The following DKK2 variants were observed in gnomAD, a reference collection of about 807,000 sequenced individuals.
DKK2 encodes the protein dickkopf-related protein 2.
DKK2 carries 11 observed loss-of-function variants against 28.1 expected under a neutral mutation model. The observed-to-expected ratio is 0.39, with a 90% CI of 0.25 to 0.65. The LOEUF (loss-of-function observed/expected upper bound fraction) is 0.65. Among genes scored for constraint, DKK2 ranks in the 30% least tolerant of loss-of-function variants. The pLI is 0.47. For missense variants in DKK2, 326 were observed against 335.5 expected, an observed-to-expected ratio of 0.97 and a Z score of 0.22; for synonymous variants, 135 against 126.5, an observed-to-expected ratio of 1.07 and a Z score of -0.45.
At chr4:106,949,979 T>C (rs938454698) in intron 1 of DKK2, among the ~76,000 whole-genome samples, 3 of 152,148 alleles carry the variant, frequency 2.0e-5, no homozygotes, top group Non-Finnish European at 4.4e-5. Context: ...CCATGCTCTA[T>C]GTTAAGAGCT....
intron 1 of DKK2, among the ~76,000 whole-genome samples, chr4:106,987,794 A>G (rs1037475291): frequency 2.6e-4 from 40 of 152,098 alleles, no homozygotes; most frequent in African/African-American, 8.7e-4. Context: ...AATTTCTTTA[A>G]AAAAAATAGT....
chr4:106,985,884 A>G (rs2110360017), intron 1 of DKK2, among the ~76,000 whole-genome samples: 1 of 152,072 alleles, frequency 6.6e-6, no homozygotes, highest in Non-Finnish European at 1.5e-5. Flanking sequence ...GAGGGAGAGA[A>G]GAAAGGAGGG....
chr4:106,953,542 T>C (rs560096902), intron 1 of DKK2, among the ~76,000 whole-genome samples: 9 of 152,248 alleles, frequency 5.9e-5, no homozygotes, highest in African/African-American at 1.9e-4. Context: ...TTTTGACAGT[T>C]TTCAAGGTTA....
intron 1 of DKK2, among the ~76,000 whole-genome samples, chr4:106,935,104 G>C (rs574127768): frequency 6.6e-6 from 1 of 152,260 alleles, no homozygotes; most frequent in East Asian, 1.9e-4. Flanking sequence ...AGCATGACAA[G>C]GGGAGGAGCC....
At chr4:106,945,966 C>A (rs943565061) in intron 1 of DKK2, among the ~76,000 whole-genome samples, 1 of 152,110 alleles carries the variant, frequency 6.6e-6, no homozygotes, top group African/African-American at 2.4e-5. Context: ...CTAACAGACG[C>A]CATGATTGCT....
intron 1 of DKK2, among the ~76,000 whole-genome samples, chr4:106,973,389 C>G (rs575311636): frequency 3.3e-5 from 5 of 152,310 alleles, no homozygotes; most frequent in African/African-American, 1.2e-4. Context: ...CACATTCTCT[C>G]CAGCATCTGT....
intron 1 of DKK2, among the ~76,000 whole-genome samples, chr4:107,012,610 G>A (rs115525586): frequency 0.019 from 2,916 of 151,366 alleles, 41 homozygotes; most frequent in Middle Eastern, 0.037. Context: ...TAATATTCCA[G>A]AAGGTGGGGA....
intron 1 of DKK2, among the ~76,000 whole-genome samples, chr4:106,995,723 C>T (rs1723262962): frequency 6.6e-6 from 1 of 152,180 alleles, no homozygotes; most frequent in Non-Finnish European, 1.5e-5. Flanking sequence ...AGCGATTCTC[C>T]TGCCTCAGCC....
At chr4:106,933,960 A>ATGTG (rs138368758) in intron 1 of DKK2, among the ~76,000 whole-genome samples, 121 of 146,670 alleles carry the variant, frequency 8.2e-4, no homozygotes, top group African/African-American at 1.8e-3. Flanking sequence ...TTTCCTGTAA[A>ATGTG]TGTGTGTGTG....
chr4:107,035,634 G>A lies in DKK2; in HGVS notation c.-43C>T. ...CCCAGGAAGACGCAAAGCCCGGAGG[G>A]GTGGGAATGCAAAGGGAGGGAGGAC... On this transcript the variant is annotated 5_prime_UTR_variant, in exon 1 of 4. Transcript: ENST00000285311. The A allele has an allele frequency of 6.2e-7, 1 of 1,604,206 alleles. No homozygotes were observed. The highest frequency in any genetic ancestry group is 1.1e-5 in the South Asian group (1 of 90,816).
intron 1 of DKK2, among the ~76,000 whole-genome samples, chr4:106,965,211 A>T (rs1039181916): frequency 6.9e-6 from 1 of 144,664 alleles, no homozygotes; most frequent in Admixed American, 6.9e-5. Flanking sequence ...ACCACATAGG[A>T]TAGAAGTTTC....
chr4:106,977,319 C>T lies in DKK2; in HGVS notation c.223-51370G>A, dbSNP rs1030162108. On this transcript the variant is annotated intron_variant, in intron 1 of 3. Transcript: ENST00000285311. The stretch of plus-strand genomic sequence containing the variant: ...AGGTTGGGATAGTTCTCCTGGATAA[C>T]AACCTGAAGAGTGTTTTCCAACTTG... 8.1e-4 allele frequency among the ~76,000 whole-genome samples: 124 copies of T among 152,268 alleles called. 2 individuals are homozygous for T. The highest frequency in any genetic ancestry group is 2.9e-3 in the African/African-American group (121 of 41,556).
intron 1 of DKK2, among the ~76,000 whole-genome samples, chr4:107,021,894 G>A (rs981210436): frequency 4.6e-5 from 7 of 152,010 alleles, no homozygotes; most frequent in African/African-American, 1.7e-4. Flanking sequence ...GTACCTACAA[G>A]TCAGCCTGAC....
chr4:106,934,437 A>T (rs3863127), intron 1 of DKK2, among the ~76,000 whole-genome samples: 15,232 of 152,132 alleles, frequency 0.1, 995 homozygotes, highest in African/African-American at 0.18. Flanking sequence ...AAGTTTCTTT[A>T]TTAAAAATTG....
intron 1 of DKK2, among the ~76,000 whole-genome samples, chr4:106,943,262 T>C (rs1389498768): frequency 6.6e-6 from 1 of 152,110 alleles, no homozygotes; most frequent in Non-Finnish European, 1.5e-5. Context: ...ATTCTTCGTC[T>C]GCCCTACCTA....
chr4:106,991,345 C>G (rs979603067), intron 1 of DKK2, among the ~76,000 whole-genome samples: 13 of 152,162 alleles, frequency 8.5e-5, no homozygotes, highest in East Asian at 1.9e-4. Context: ...CAGTAGAAAT[C>G]GAGGTTTTCA....
At chr4:106,941,705 T>C (rs1292866304) in intron 1 of DKK2, among the ~76,000 whole-genome samples, 1 of 152,074 alleles carries the variant, frequency 6.6e-6, no homozygotes, top group African/African-American at 2.4e-5. Context: ...TTCAGCATAA[T>C]GATAGGGTTA....
At chr4:106,928,286 A>AGAATTAGAATTAGAATTAGAATTAGC (rs1476295144) in intron 1 of DKK2, among the ~76,000 whole-genome samples, 2 of 152,174 alleles carry the variant, frequency 1.3e-5, no homozygotes, top group Non-Finnish European at 2.9e-5. Context: ...TATATTAGAA[A>AGAATTAGAATTAGAATTAGAATTAGC]ATACATAGTT....
intron 1 of DKK2, among the ~76,000 whole-genome samples, chr4:106,996,484 C>G (rs921450056): frequency 3.9e-5 from 6 of 152,112 alleles, no homozygotes; most frequent in Non-Finnish European, 4.4e-5. Context: ...TATACGAAAT[C>G]ACATGGGTTT....
Sources: allele counts gnomAD v4.1 joint callset (sites outside exome capture counted in the v4.1 genomes callset), GRCh38; gene constraint gnomAD v4.1.1; transcripts MANE v1.5; gene names NCBI Gene and HGNC (gene_info 2026-07-23, HGNC 2026-07-21).